NHSL1: variants seen among roughly 807,000 people sequenced by gnomAD.
The protein encoded by NHSL1 is NHS like 1.
In NHSL1, 48 loss-of-function variants were observed where a neutral mutation model predicts 95.0. The observed-to-expected ratio is 0.51, with a 90% confidence interval of 0.40 to 0.64. The LOEUF is 0.64. NHSL1 is among the 30% of genes least tolerant of loss of function. NHSL1 has a pLI of 0.00. For missense variants in NHSL1, 1,971 were observed against 2,077.7 expected (o/e 0.95, Z 1.00); for synonymous variants, 783 against 833.9 (o/e 0.94, Z 1.05).
At chr6:138,647,984 T>C (rs1190653307) in intron 1 of NHSL1, among the ~76,000 whole-genome samples, 1 of 152,186 alleles carries the variant, frequency 6.6e-6, no homozygotes, top group Non-Finnish European at 1.5e-5. Flanking sequence ...TTTTAATGAG[T>C]TATGGTATGG....
At chr6:138,606,702 C>CTTTTTTTT (rs777156294) in intron 1 of NHSL1, among the ~76,000 whole-genome samples, 9 of 123,408 alleles carry the variant, frequency 7.3e-5, no homozygotes, top group East Asian at 2.3e-4. Flanking sequence ...TTCTTTCTTT[C>CTTTTTTTT]TTTTTTTTTT....
intron 1 of NHSL1, among the ~76,000 whole-genome samples, chr6:138,505,176 T>C (rs1780894768): frequency 1.3e-5 from 2 of 152,132 alleles, no homozygotes; most frequent in African/African-American, 4.8e-5. Context: ...GTGTATCAAA[T>C]GCAGTTAAGG....
At chr6:138,602,471 A>G (rs1386320475) in intron 1 of NHSL1, among the ~76,000 whole-genome samples, 2 of 152,076 alleles carry the variant, frequency 1.3e-5, no homozygotes, top group Non-Finnish European at 2.9e-5. Context: ...CCTCCGGAGT[A>G]GCTGGAATTA....
At chr6:138,532,799 T>G (rs189327760) in intron 1 of NHSL1, among the ~76,000 whole-genome samples, 9 of 152,254 alleles carry the variant, frequency 5.9e-5, no homozygotes, top group African/African-American at 1.7e-4. Context: ...TCACGGCTAA[T>G]AGCATCATGG....
intron 1 of NHSL1, among the ~76,000 whole-genome samples, chr6:138,514,850 A>C (rs1292676165): frequency 6.6e-6 from 1 of 152,104 alleles, no homozygotes; most frequent in Non-Finnish European, 1.5e-5. Context: ...TTGAGCCCAG[A>C]AGTTCGAGGC....
At chr6:138,683,701 G>A (rs544201012) in intron 1 of NHSL1, among the ~76,000 whole-genome samples, 22 of 152,302 alleles carry the variant, frequency 1.4e-4, no homozygotes, top group South Asian at 4.1e-4. Context: ...ATGTTTGGGC[G>A]GACTAATCCT....
At chr6:138,609,938 C>T (rs1196735854) in intron 1 of NHSL1, among the ~76,000 whole-genome samples, 1 of 152,052 alleles carries the variant, frequency 6.6e-6, no homozygotes, top group East Asian at 1.9e-4. Flanking sequence ...TCAATGCCAT[C>T]CTTCCATGAA....
chr6:138,582,709 G>A (rs1254049914), intron 1 of NHSL1, among the ~76,000 whole-genome samples: 1 of 152,130 alleles, frequency 6.6e-6, no homozygotes, highest in Non-Finnish European at 1.5e-5. Context: ...GCTTTTGGCT[G>A]TGCACCTTCA....
intron 1 of NHSL1, among the ~76,000 whole-genome samples, chr6:138,664,642 C>A (rs552171778): frequency 6.6e-6 from 1 of 152,264 alleles, no homozygotes; most frequent in Non-Finnish European, 1.5e-5. Flanking sequence ...AGAAACAGAA[C>A]GAATATGACA....
chr6:138,692,557 G>A lies in NHSL1; in HGVS notation c.16C>T (p.His6Tyr), dbSNP rs1021805250. 3 of 196,014 alleles carry A rather than the reference G, an allele frequency of 1.5e-5. No homozygotes were observed. Among genetic ancestry groups the A allele is most frequent in the South Asian group, 7.6e-5 (1 of 13,126 alleles). 12.1% of individuals were successfully genotyped at this position (196,014 alleles called of 1,614,324 possible). Residue 6 changes from histidine to tyrosine, a missense_variant, in exon 1 of 4, where the codon CAC (histidine) becomes TAC (tyrosine). Physicochemically the swap from His to Tyr is moderately conservative, Grantham distance 83 (BLOSUM62 2). Coordinates refer to the NHSL1 transcript ENST00000491526. The surrounding 1 kb of genome is among the most constrained non-coding windows in gnomAD (Gnocchi z 4.0). ...CGGCGGTGCAGCGCGGCGGTGCGGT[G>A]GCCCAGCGCGGCCGCCTGGCCCTCG...
At chr6:138,570,902 G>A (rs937759172) in intron 1 of NHSL1, among the ~76,000 whole-genome samples, 11 of 152,154 alleles carry the variant, frequency 7.2e-5, no homozygotes, top group African/African-American at 1.9e-4. Context: ...CCACTGCACC[G>A]AATGGAGAAA....
At chr6:138,509,609 A>G (rs1246358489) in intron 1 of NHSL1, among the ~76,000 whole-genome samples, 2 of 152,248 alleles carry the variant, frequency 1.3e-5, no homozygotes, top group Non-Finnish European at 2.9e-5. Context: ...ACACTGGTGC[A>G]TGAAAATGAT....
intron 2 of NHSL1, among the ~76,000 whole-genome samples, chr6:138,478,400 A>G (rs1378790907): frequency 6.6e-6 from 1 of 151,964 alleles, no homozygotes; most frequent in Non-Finnish European, 1.5e-5. Context: ...TTTTGCTCTT[A>G]TCACATTTCT....
At chr6:138,640,583 G>T (rs955362616) in intron 1 of NHSL1, among the ~76,000 whole-genome samples, 1 of 152,030 alleles carries the variant, frequency 6.6e-6, no homozygotes, top group Non-Finnish European at 1.5e-5. Context: ...TCTTCTTTAT[G>T]ATTTTCCTAA....
intron 1 of NHSL1, among the ~76,000 whole-genome samples, chr6:138,620,572 A>T (rs755116888): frequency 2.0e-5 from 3 of 152,176 alleles, no homozygotes; most frequent in Non-Finnish European, 4.4e-5. Context: ...AATGAGAAGA[A>T]TTAAACAATT....
intron 1 of NHSL1, among the ~76,000 whole-genome samples, chr6:138,640,809 G>A (rs189927038): frequency 6.0e-4 from 92 of 152,186 alleles, no homozygotes; most frequent in Non-Finnish European, 1.2e-3. Context: ...AGGGTCAACT[G>A]TATTTACTGG....
At chr6:138,664,212 C>T (rs1785265767) in intron 1 of NHSL1, among the ~76,000 whole-genome samples, 1 of 152,188 alleles carries the variant, frequency 6.6e-6, no homozygotes, top group Non-Finnish European at 1.5e-5. Flanking sequence ...GTCACATTTA[C>T]TTTACATTTT....
intron 1 of NHSL1, among the ~76,000 whole-genome samples, chr6:138,517,774 C>A (rs188047050): frequency 9.4e-4 from 143 of 152,288 alleles, no homozygotes; most frequent in Admixed American, 3.8e-3. Flanking sequence ...ACAGAGCATG[C>A]GCAAGTGTGG....
chr6:138,547,395 T>G (rs571911184), upstream of NHSL1, among the ~76,000 whole-genome samples: 1 of 152,016 alleles, frequency 6.6e-6, no homozygotes, highest in African/African-American at 2.4e-5. Context: ...TCTTTTTTTT[T>G]CCCCTGAGAG....
Sources: allele counts gnomAD v4.1 joint callset (sites outside exome capture counted in the v4.1 genomes callset), GRCh38; gene constraint gnomAD v4.1.1; non-coding constraint Gnocchi (gnomAD v3.1); transcripts MANE v1.5; gene names NCBI Gene and HGNC (gene_info 2026-07-23, HGNC 2026-07-21).